Variants in AGTPBP1 observed in about 807,000 individuals in gnomAD.
AGTPBP1 encodes cytosolic carboxypeptidase 1.
In AGTPBP1, 70 loss-of-function variants were observed where a neutral mutation model predicts 143.9. That is an observed-to-expected ratio of 0.49 (90% CI 0.40 to 0.59). The LOEUF (loss-of-function observed/expected upper bound fraction) is 0.59. Among genes scored for constraint, AGTPBP1 ranks in the 20% least tolerant of loss-of-function variants. The pLI, the probability that AGTPBP1 is intolerant of heterozygous loss-of-function variation, is 0.00. For synonymous variants in AGTPBP1, 463 were observed against 500.2 expected (o/e 0.93, Z 0.99); for missense variants, 1,229 against 1,464.5 (o/e 0.84, Z 2.62).
intron 8 of AGTPBP1, among the ~76,000 whole-genome samples, chr9:85,665,159 G>A (rs567372791): frequency 6.6e-6 from 1 of 152,202 alleles, no homozygotes; most frequent in Non-Finnish European, 1.5e-5. Context: ...CATTGCAGAT[G>A]TAACTAGTTA....
At chr9:85,745,092 A>C (rs1824565375), upstream of AGTPBP1, among the ~76,000 whole-genome samples, 1 of 152,152 alleles carries the variant, frequency 6.6e-6, no homozygotes, top group African/African-American at 2.4e-5. Flanking sequence ...TTCCTGTTTC[A>C]TTTTTGGACT....
At chr9:85,798,006 C>G in the AGTPBP1 span, among the ~76,000 whole-genome samples, 1 of 152,130 alleles carries the variant, frequency 6.6e-6, no homozygotes, top group African/African-American at 2.4e-5. Flanking sequence ...GATTCTCCTG[C>G]CTCCGCCTCT....
intron 17 of AGTPBP1, among the ~76,000 whole-genome samples, chr9:85,597,797 T>C (rs1008074088): frequency 7.0e-6 from 1 of 143,354 alleles, no homozygotes; most frequent in Non-Finnish European, 1.5e-5. Context: ...ATAAATTATG[T>C]TGACAGGTTT....
chr9:85,781,088 C>G, the AGTPBP1 span: 4 of 1,346,224 alleles, frequency 3.0e-6, no homozygotes, highest in East Asian at 2.9e-5. Context: ...CCACTGCACT[C>G]TAGCCTGGGC....
At chr9:85,761,610 T>C in the AGTPBP1 span, among the ~76,000 whole-genome samples, 1 of 152,162 alleles carries the variant, frequency 6.6e-6, no homozygotes, top group African/African-American at 2.4e-5. Context: ...TTACATCTTA[T>C]ACAAAAATTA....
chr9:85,704,273 A>G (rs1013730178), intron 2 of AGTPBP1, among the ~76,000 whole-genome samples: 2 of 152,182 alleles, frequency 1.3e-5, no homozygotes, highest in African/African-American at 4.8e-5. Context: ...TGACCAGAGG[A>G]GAGAGAGCTG....
intron 1 of AGTPBP1, among the ~76,000 whole-genome samples, chr9:85,740,136 A>G (rs2134850831): frequency 6.6e-6 from 1 of 152,372 alleles, no homozygotes; most frequent in South Asian, 2.1e-4. Flanking sequence ...AGAATGCCTC[A>G]ATTCGGAAAA....
At chr9:85,768,476 A>T in the AGTPBP1 span, among the ~76,000 whole-genome samples, 3 of 151,844 alleles carry the variant, frequency 2.0e-5, no homozygotes, top group Non-Finnish European at 2.9e-5. Flanking sequence ...AAGAAAAAAA[A>T]TTTGTTTCGT....
chr9:85,805,434 G>A, the AGTPBP1 span: 2 of 151,926 alleles, frequency 1.3e-5, no homozygotes, highest in Non-Finnish European at 2.9e-5. Flanking sequence ...TGCCCAGCCT[G>A]TGGGCCGACC....
the AGTPBP1 span, among the ~76,000 whole-genome samples, chr9:85,776,299 C>T: frequency 5.6e-4 from 86 of 152,300 alleles, no homozygotes; most frequent in Non-Finnish European, 8.8e-4. Flanking sequence ...ATGACAGTTA[C>T]CGTCCTTGTT....
intron 17 of AGTPBP1, among the ~76,000 whole-genome samples, chr9:85,616,818 ATAGT>A (rs1830627929): frequency 6.6e-6 from 1 of 152,048 alleles, no homozygotes. Flanking sequence ...ATCACATTCC[ATAGT>A]TAGTAGTTTA....
chr9:85,681,289 T>C lies in AGTPBP1; in HGVS notation c.204A>G (p.Glu68=). ...TTACCTCTAATGTTGACAGCAGAATTTCCATTCCTGTAGAACCTTTGGCTG... is the reference window on the plus strand; with the variant it reads ...TTACCTCTAATGTTGACAGCAGAATCTCCATTCCTGTAGAACCTTTGGCTG... ...EMTAKGSTGM[E]ILLSTLENTK... The change falls in exon 4 of 26, where the codon GAA becomes GAG. Residue 68 remains glutamate, a synonymous_variant. Coordinates refer to ENST00000357081, the MANE Select transcript of AGTPBP1 (RefSeq NM_001330701.2). 6.2e-7 allele frequency: 1 copy of C among 1,612,974 alleles called. No individual in the cohort carries two copies. The highest frequency in any genetic ancestry group is 1.1e-5 in the South Asian group (1 of 90,660).
At chr9:85,622,462 T>C (rs1257405096) in intron 14 of AGTPBP1, among the ~76,000 whole-genome samples, 4 of 151,740 alleles carry the variant, frequency 2.6e-5, no homozygotes, top group African/African-American at 9.7e-5. Context: ...CTACCCTAAT[T>C]GAAAAATTAA....
chr9:85,651,604 T>A (rs1307419938), intron 11 of AGTPBP1, among the ~76,000 whole-genome samples: 1 of 152,188 alleles, frequency 6.6e-6, no homozygotes, highest in African/African-American at 2.4e-5. Flanking sequence ...TAATTCATCA[T>A]CTGACTGGCT....
At chr9:85,749,509 CTT>C in the AGTPBP1 span, among the ~76,000 whole-genome samples, 2 of 152,164 alleles carry the variant, frequency 1.3e-5, no homozygotes, top group Non-Finnish European at 2.9e-5. Flanking sequence ...CTGTCTGTCT[CTT>C]TTCTACTTGA....
rs532047161 is a variant in AGTPBP1 at position 85,728,661 on chromosome 9, T to G, written c.-34+13114A>C. On this transcript the variant is annotated intron_variant, in intron 1 of 25. Transcript: ENST00000357081. ...GAACAAGATGAACTTCTTTTAGTTTTAAAAGGCAATTTTATTGTATATGTT... is the reference window on the plus strand; with the variant it reads ...GAACAAGATGAACTTCTTTTAGTTTGAAAAGGCAATTTTATTGTATATGTT... 7.2e-5 allele frequency among the ~76,000 whole-genome samples: 11 copies of G among 152,202 alleles called. No individual in the cohort carries two copies. The South Asian group carries it at 2.3e-3, about 32-fold the overall frequency.
intron 3 of AGTPBP1, among the ~76,000 whole-genome samples, chr9:85,684,862 A>G (rs892447283): frequency 6.6e-5 from 10 of 152,050 alleles, no homozygotes; most frequent in Non-Finnish European, 2.9e-5. Flanking sequence ...ACTTTAAAGC[A>G]GCTATTATAA....
At chr9:85,587,522 A>G (rs1315265879) in intron 21 of AGTPBP1, among the ~76,000 whole-genome samples, 2 of 152,200 alleles carry the variant, frequency 1.3e-5, no homozygotes, top group Non-Finnish European at 2.9e-5. Context: ...ATAGAATTCT[A>G]ACTGGTCAAT....
At chr9:85,712,348 T>C (rs1193938768) in intron 2 of AGTPBP1, among the ~76,000 whole-genome samples, 154 bp downstream of exon 2, 1 of 152,214 alleles carries the variant, frequency 6.6e-6, no homozygotes, top group Non-Finnish European at 1.5e-5. Context: ...CAATTTTAAC[T>C]GAAAAGTTAA....
Sources: allele counts gnomAD v4.1 joint callset (sites outside exome capture counted in the v4.1 genomes callset), GRCh38; gene constraint gnomAD v4.1.1; transcripts MANE v1.5; gene names NCBI Gene and HGNC (gene_info 2026-07-23, HGNC 2026-07-21).